Variants in TMEM33 observed in about 807,000 individuals in gnomAD.
The protein encoded by TMEM33 is transmembrane protein 33.
TMEM33 carries 16 observed loss-of-function variants against 29.7 expected under a neutral mutation model. The ratio of observed to expected loss-of-function variants is 0.54; its 90% CI spans 0.36 to 0.82. TMEM33 has a LOEUF of 0.82. TMEM33 is among the 40% of genes least tolerant of loss of function. The pLI is 0.00. For missense variants in TMEM33, 252 were observed against 295.3 expected, an observed-to-expected ratio of 0.85 and a Z score of 1.08; for synonymous variants, 112 against 109.4, an observed-to-expected ratio of 1.02 and a Z score of -0.15.
chr4:41,944,150 A>G (rs1276442719), intron 4 of TMEM33: 1 of 267,586 alleles, frequency 3.7e-6, no homozygotes, highest in Admixed American at 5.3e-5. Flanking sequence ...TAATTCTGGC[A>G]TACCTGATAA....
At chr4:41,953,934 A>T (rs1051662036) in intron 6 of TMEM33, 136 bp from the exon 7 acceptor site, 24 of 1,024,420 alleles carry the variant, frequency 2.3e-5, no homozygotes, top group African/African-American at 3.2e-5. Context: ...TGGCACTGAT[A>T]GTCTTGCTGT....
chr4:41,943,716 T>C, intron 3 of TMEM33, 31 bp from the exon 4 acceptor site: 1 of 1,602,254 alleles, frequency 6.2e-7, no homozygotes, highest in South Asian at 1.1e-5. Context: ...CTTGATGACT[T>C]TTAAATGTTT....
rs556059270 is a variant in TMEM33 at position 41,959,342 on chromosome 4, C to G, written c.*5143C>G. ...CATAGTCAAGTGTGATGGATTAACT[C>G]TATATAGTCTTTCTCCTCTTGTGCG... On this transcript the variant is annotated 3_prime_UTR_variant, in exon 7 of 7. Transcript: ENST00000504986. 90 of 152,230 alleles carry G rather than the reference C, an allele frequency of 5.9e-4. No homozygotes were observed. Among genetic ancestry groups the G allele is most frequent in the Non-Finnish European group, 8.7e-4 (59 of 68,008 alleles). 9.4% of individuals were successfully genotyped at this position (152,230 alleles called of 1,614,324 possible).
rs1273853598 is a variant in TMEM33 at position 41,955,386 on chromosome 4, A to C, written c.*1187A>C. On this transcript the variant is annotated 3_prime_UTR_variant, in exon 7 of 7. Transcript: ENST00000504986. ...AAATCCTGTTCATTGAACTCCCATC[A>C]ACTCTTATAAAATTCATGCTGATCT... 6.6e-6 allele frequency: 1 copy of C among 152,438 alleles called. No individual in the cohort carries two copies. Among genetic ancestry groups the C allele is most frequent in the Non-Finnish European group, 1.5e-5 (1 of 68,034 alleles). 9.4% of individuals were successfully genotyped at this position (152,438 alleles called of 1,614,324 possible).
rs1355622114 is a variant in TMEM33 at position 41,957,321 on chromosome 4, G to A, written c.*3122G>A. On this transcript the variant is annotated 3_prime_UTR_variant, in exon 7 of 7. Coordinates refer to ENST00000504986, the MANE Select transcript of TMEM33 (RefSeq NM_018126.3). The stretch of plus-strand genomic sequence containing the variant: ...CAGAGGTAGATCCTCCTGGAAGAAA[G>A]AAAGCAAGCGAACTTTTTAAAGAAA... 9.6e-5 allele frequency: 13 copies of A among 134,770 alleles called. No individual in the cohort carries two copies. The highest frequency in any genetic ancestry group is 3.4e-4 in the African/African-American group (12 of 35,730). 8.3% of individuals were successfully genotyped at this position (134,770 alleles called of 1,614,324 possible).
At position 41,959,271 on chromosome 4, in the gene TMEM33, A is replaced by G. The variant is rs1327727090; in HGVS notation, c.*5072A>G. On this transcript the variant is annotated 3_prime_UTR_variant, in exon 7 of 7. Transcript: ENST00000504986. ...TTACTGGTAGTAACTATTCTAGGAAATATTTATGTTTTAAGGTGATGTTCA... is the reference window on the plus strand; with the variant it reads ...TTACTGGTAGTAACTATTCTAGGAAGTATTTATGTTTTAAGGTGATGTTCA... 2 of 152,172 alleles carry G rather than the reference A, an allele frequency of 1.3e-5. No homozygotes were observed. The highest frequency in any genetic ancestry group is 1.9e-4 in the East Asian group (1 of 5,194). 9.4% of individuals were successfully genotyped at this position (152,172 alleles called of 1,614,324 possible). A position where few individuals can be genotyped will look rare whatever the true frequency, so the allele number is the denominator to read the frequency against.
At chr4:41,949,248 G>C in intron 5 of TMEM33, 54 bp from the exon 6 acceptor site, 1 of 1,258,990 alleles carries the variant, frequency 7.9e-7, no homozygotes, top group Non-Finnish European at 1.1e-6. Flanking sequence ...AGTTTTGAGA[G>C]TATACACATG....
At chr4:41,945,250 A>G (rs966134936) in intron 5 of TMEM33, among the ~76,000 whole-genome samples, 2 of 152,224 alleles carry the variant, frequency 1.3e-5, no homozygotes, top group Non-Finnish European at 2.9e-5. Flanking sequence ...ACACTAGAGA[A>G]AAACTTTTAA....
In TMEM33 at chr4:41,954,106, C is replaced by G. The variant is rs1713158883; in HGVS notation, c.651C>G (p.His217Gln). 6.2e-7 allele frequency: 1 copy of G among 1,613,814 alleles called. No individual in the cohort carries two copies. Among genetic ancestry groups the G allele is most frequent in the African/African-American group, 1.3e-5 (1 of 74,918 alleles). ...LFNELRIVVE[H>Q]IIMKPACPLF... is the part of the protein sequence containing the mutation. ...ATGAACTGAGGATTGTTGTTGAACA[C>G]ATAATAATGAAACCTGCTTGCCCAC... Residue 217 changes from histidine to glutamine, a missense_variant, in exon 7 of 7, where the codon CAC becomes CAG. His to Gln is a conservative substitution (Grantham distance 24). Transcript: ENST00000504986.
In TMEM33 at chr4:41,958,576, TTTTAAAA is replaced by T. The variant is rs1242463802; in HGVS notation, c.*4382_*4388del. 1 of 152,150 alleles carries T rather than the reference TTTTAAAA, an allele frequency of 6.6e-6. No homozygotes were observed. Among genetic ancestry groups the T allele is most frequent in the East Asian group, 1.9e-4 (1 of 5,200 alleles). The allele number at this position is 152,150 out of a possible 1,614,324, so 9.4% of individuals were successfully genotyped here. On this transcript the variant is annotated 3_prime_UTR_variant, in exon 7 of 7. Coordinates refer to ENST00000504986, the MANE Select transcript of TMEM33 (RefSeq NM_018126.3). ...GACTAGATATAGCCCGTTGAACCTC[TTTTAAAA>T]TTTAGACTTTTGATAGTAATATAAA...
chr4:41,943,683 T>G lies in TMEM33; in HGVS notation c.329-64T>G, dbSNP rs1444844626. 4 of 1,434,302 alleles carry G rather than the reference T, an allele frequency of 2.8e-6. No homozygotes were observed. In the African/African-American group the frequency reaches 5.6e-5, roughly 20 times the overall value. 88.8% of individuals were successfully genotyped at this position (1,434,302 alleles called of 1,614,324 possible). A position where few individuals can be genotyped will look rare whatever the true frequency, so the allele number is the denominator to read the frequency against. On this transcript the variant is annotated intron_variant, in intron 3 of 6. Coordinates refer to ENST00000504986, the MANE Select transcript of TMEM33 (RefSeq NM_018126.3). ...TTCACATCTGTATATTTGGACATAA[T>G]ACATAGTCTGTTTTGCAGAATACTT...
chr4:41,935,337 G>A, upstream of TMEM33: 1 of 848,824 alleles, frequency 1.2e-6, no homozygotes, highest in Non-Finnish European at 1.9e-6. Context: ...CCTGGTGGAG[G>A]CTCAGAGTTC....
intron 5 of TMEM33, among the ~76,000 whole-genome samples, chr4:41,946,525 C>G (rs1197059902): frequency 6.6e-6 from 1 of 152,086 alleles, no homozygotes; most frequent in Non-Finnish European, 1.5e-5. Context: ...GTAGTGCTTT[C>G]TTCTGAGAAC....
At position 41,954,248 on chromosome 4, in the gene TMEM33, T is replaced by A; in HGVS notation, c.*49T>A. 6.3e-7 allele frequency: 1 copy of A among 1,590,192 alleles called. No individual in the cohort carries two copies. The highest frequency in any genetic ancestry group is 1.3e-5 in the African/African-American group (1 of 74,460). On this transcript the variant is annotated 3_prime_UTR_variant, in exon 7 of 7. Coordinates refer to ENST00000504986, the MANE Select transcript of TMEM33 (RefSeq NM_018126.3). The stretch of plus-strand genomic sequence containing the variant: ...ATATAGTATAAGCATTATTAGCAGC[T>A]GGTACTTCTGCTAGGGGTTGTAAAT...
rs1713214526 is a variant in TMEM33 at position 41,955,265 on chromosome 4, TGTG to T, written c.*1068_*1070del. ...TTGGGAATGGGGTAGGGGGAGGAGT[TGTG>T]GGGGAATAATGTGCATTTCAGTCTC... On this transcript the variant is annotated 3_prime_UTR_variant, in exon 7 of 7. Coordinates refer to ENST00000504986, the MANE Select transcript of TMEM33 (RefSeq NM_018126.3). The T allele has an allele frequency of 6.6e-6, 1 of 152,088 alleles. No homozygotes were observed. Among genetic ancestry groups the T allele is most frequent in the East Asian group, 1.9e-4 (1 of 5,176 alleles). The allele number at this position is 152,088 out of a possible 1,614,324, so 9.4% of individuals were successfully genotyped here. A position where few individuals can be genotyped will look rare whatever the true frequency, so the allele number is the denominator to read the frequency against.
intron 1 of TMEM33, among the ~76,000 whole-genome samples, chr4:41,937,367 G>A (rs999754173): frequency 1.3e-5 from 2 of 152,022 alleles, no homozygotes; most frequent in Non-Finnish European, 2.9e-5. Context: ...CGGTAAGTCT[G>A]GATTTAATGA....
intron 5 of TMEM33, among the ~76,000 whole-genome samples, chr4:41,945,612 A>G (rs1301438835): frequency 2.0e-5 from 3 of 152,216 alleles, no homozygotes; most frequent in Non-Finnish European, 4.4e-5. Context: ...ACAAATTTGT[A>G]GAACATATAT....
At chr4:41,938,046 A>G (rs924060077) in intron 1 of TMEM33, among the ~76,000 whole-genome samples, 1 of 152,204 alleles carries the variant, frequency 6.6e-6, no homozygotes, top group Non-Finnish European at 1.5e-5. Context: ...GCAGATTACA[A>G]GGCGAATGAG....
Position 41,939,222 on chromosome 4 carries a change from A to G in TMEM33, c.167A>G (p.Gln56Arg), listed in dbSNP as rs1218724517. 1 of 1,602,830 alleles carries G rather than the reference A, an allele frequency of 6.2e-7. No homozygotes were observed. Among genetic ancestry groups the G allele is most frequent in the Non-Finnish European group, 8.5e-7 (1 of 1,176,866 alleles). ...TTGCATGAAGCAGCAAGCTTTTACCAACGTGCTTTGCTGGCAAATGCTCTT... is the reference window on the plus strand; with the variant it reads ...TTGCATGAAGCAGCAAGCTTTTACCGACGTGCTTTGCTGGCAAATGCTCTT... ...LGLHEAASFY[Q>R]RALLANALTS... Residue 56 changes from glutamine to arginine, a missense_variant, in exon 3 of 7, where the codon CAA becomes CGA. Gln to Arg is a conservative substitution (Grantham distance 43). Coordinates refer to ENST00000504986, the MANE Select transcript of TMEM33 (RefSeq NM_018126.3).
Sources: gnomAD v4.1 joint callset for allele counts (sites outside exome capture counted in the v4.1 genomes callset) on GRCh38, gnomAD v4.1.1 for gene constraint, MANE v1.5 for transcripts, NCBI Gene and HGNC (gene_info 2026-07-23, HGNC 2026-07-21) for gene names.